The following DTL variants were observed in gnomAD, a reference collection of about 807,000 sequenced individuals.
The protein encoded by DTL is denticleless E3 ubiquitin protein ligase adapter, also known as denticleless protein homolog.
DTL carries 46 observed loss-of-function variants against 87.0 expected under a neutral mutation model. That is an observed-to-expected ratio of 0.53 (90% CI 0.42 to 0.68). The LOEUF (loss-of-function observed/expected upper bound fraction) is 0.68. Ranked by LOEUF, DTL falls within the 30% of genes least tolerant of loss-of-function variation. The probability of loss-of-function intolerance (pLI) is 0.00; values close to 1 mark genes in which losing one functional copy is unlikely to be tolerated. For synonymous variants in DTL, 308 were observed against 311.2 expected (o/e 0.99, Z 0.11); for missense variants, 737 against 869.4 (o/e 0.85, Z 1.91).
At chr1:212,094,365 C>T (rs1191516899) in intron 13 of DTL, among the ~76,000 whole-genome samples, 1 of 152,168 alleles carries the variant, frequency 6.6e-6, no homozygotes, top group Non-Finnish European at 1.5e-5. Context: ...GGTGTCCTTT[C>T]CCCACCTCAT....
intron 5 of DTL, among the ~76,000 whole-genome samples, chr1:212,061,293 G>A (rs775347201): frequency 2.6e-5 from 4 of 151,528 alleles, no homozygotes; most frequent in South Asian, 2.1e-4. Context: ...GACATTTCGC[G>A]AAAGAAGACA....
chr1:212,060,949 T>C (rs1294169806), intron 5 of DTL, among the ~76,000 whole-genome samples: 1 of 131,788 alleles, frequency 7.6e-6, no homozygotes, highest in Non-Finnish European at 1.7e-5. Context: ...GCCAAAACTT[T>C]TTGAATGGGA....
intron 1 of DTL, 53 bp downstream of exon 1, chr1:212,035,995 A>G: frequency 6.3e-7 from 1 of 1,575,378 alleles, no homozygotes; most frequent in Non-Finnish European, 8.7e-7. Flanking sequence ...ATTTCCCCCG[A>G]AACACACGCC....
At chr1:212,070,467 T>C (rs1180636478) in intron 10 of DTL, among the ~76,000 whole-genome samples, 1 of 152,000 alleles carries the variant, frequency 6.6e-6, no homozygotes, top group African/African-American at 2.4e-5. Flanking sequence ...AAAAATTAGC[T>C]GGATGTGGTG....
intron 5 of DTL, among the ~76,000 whole-genome samples, chr1:212,048,307 G>GCGTCC (rs1449073640): frequency 1.3e-5 from 2 of 151,956 alleles, no homozygotes; most frequent in African/African-American, 4.8e-5. Flanking sequence ...CTCTCCCTCA[G>GCGTCC]CGTCCCAAGT....
At chr1:212,052,138 G>T (rs1668003714) in intron 5 of DTL, 1 of 654,798 alleles carries the variant, frequency 1.5e-6, no homozygotes, top group Non-Finnish European at 2.7e-6. Flanking sequence ...TGAGAACTCT[G>T]TGGTTGTTAA....
intron 10 of DTL, among the ~76,000 whole-genome samples, chr1:212,070,512 A>T (rs1654638409): frequency 6.6e-6 from 1 of 151,788 alleles, no homozygotes; most frequent in Non-Finnish European, 1.5e-5. Context: ...TGGAAGGCTG[A>T]GGTAGGAGGA....
At chr1:212,088,951 T>C (rs1243859213) in intron 13 of DTL, among the ~76,000 whole-genome samples, 2 of 152,142 alleles carry the variant, frequency 1.3e-5, no homozygotes, top group African/African-American at 4.8e-5. Flanking sequence ...CTAGGCATGG[T>C]GGCACACGCC....
rs751780440 is a variant in DTL, at chr1:212,043,032, G to A, written c.92G>A (p.Gly31Asp). The change falls in exon 2 of 15, where the codon GGT (glycine) becomes GAT (aspartate). Residue 31 changes from glycine (G) to aspartate (D), a missense_variant. Gly to Asp is a moderately conservative substitution (Grantham distance 94). Transcript: ENST00000366991. ...TACCCTCTTCAATCCCTTCTGACTG[G>A]TTATCAGTGCAGTGGTAATGATGAA... The part of the protein sequence containing the change: ...SQYPLQSLLT[G>D]YQCSGNDEHT... The A allele has an allele frequency of 6.2e-7, 1 of 1,612,788 alleles. No individual in the cohort carries two copies. The highest frequency in any genetic ancestry group is 2.2e-5 in the East Asian group (1 of 44,734).
intron 5 of DTL, among the ~76,000 whole-genome samples, chr1:212,059,962 T>C (rs904886393): frequency 5.9e-5 from 9 of 151,920 alleles, no homozygotes; most frequent in Non-Finnish European, 1.3e-4. Context: ...TAGGAATAAA[T>C]TTAGCCAAAG....
chr1:212,052,107 C>T, intron 5 of DTL: 2 of 709,998 alleles, frequency 2.8e-6, no homozygotes, highest in Non-Finnish European at 5.0e-6. Flanking sequence ...AAAGTTGTTC[C>T]ACTATCATCT....
intron 9 of DTL, 45 bp downstream of exon 9, chr1:212,068,372 T>TAAAAA: frequency 4.2e-6 from 4 of 952,310 alleles, no homozygotes; most frequent in Non-Finnish European, 3.1e-6. Context: ...AGTTTTTGTT[T>TAAAAA]AAAAAAAAAA....
At chr1:212,049,460 CAT>C (rs1460890835) in intron 5 of DTL, among the ~76,000 whole-genome samples, 2 of 152,134 alleles carry the variant, frequency 1.3e-5, no homozygotes, top group African/African-American at 2.4e-5. Flanking sequence ...TAGTGGAAAA[CAT>C]ATCTTTTGGT....
chr1:212,042,647 T>C (rs1213448523), intron 1 of DTL, among the ~76,000 whole-genome samples: 1 of 152,226 alleles, frequency 6.6e-6, no homozygotes. Flanking sequence ...ATAGCAGTTT[T>C]AATGGAATGC....
At position 212,038,436 on chromosome 1, in the gene DTL, T is replaced by G. The variant is rs76666198; in HGVS notation, c.52+2494T>G. Among the ~76,000 whole-genome samples, 822 of 152,302 alleles carry G rather than the reference T, an allele frequency of 5.4e-3. 4 individuals are homozygous for G. The highest frequency in any genetic ancestry group is 0.019 in the African/African-American group (779 of 41,560). ...CCCCCAAACCTGCAATATTACCAAT[T>G]TTAGAGAGTGGCCTCATTATTTAAA... On this transcript the variant is annotated intron_variant, in intron 1 of 14. Coordinates refer to ENST00000366991, the MANE Select transcript of DTL (RefSeq NM_016448.4).
intron 5 of DTL, chr1:212,052,140 G>T: frequency 1.5e-6 from 1 of 652,934 alleles, no homozygotes; most frequent in Non-Finnish European, 2.7e-6. Context: ...AGAACTCTGT[G>T]GTTGTTAAAA....
At chr1:212,077,578 A>C (rs979566659) in intron 11 of DTL, 2 of 153,164 alleles carry the variant, frequency 1.3e-5, no homozygotes, top group Non-Finnish European at 1.5e-5. Flanking sequence ...ACTCAAAATG[A>C]AGGAGTATAA....
chr1:212,102,435 T>TA (rs2102591377), intron 14 of DTL, among the ~76,000 whole-genome samples: 1 of 152,338 alleles, frequency 6.6e-6, no homozygotes, highest in South Asian at 2.1e-4. Flanking sequence ...TAACATTTCT[T>TA]AAAAATTTTT....
chr1:212,081,162 G>T (rs989800454), intron 13 of DTL, among the ~76,000 whole-genome samples: 1 of 152,230 alleles, frequency 6.6e-6, no homozygotes, highest in Admixed American at 6.5e-5. Context: ...AGGAAAGGGA[G>T]AAGGGCAAGG....
Sources: allele counts gnomAD v4.1 joint callset (sites outside exome capture counted in the v4.1 genomes callset), GRCh38; gene constraint gnomAD v4.1.1; transcripts MANE v1.5; gene names NCBI Gene and HGNC (gene_info 2026-07-23, HGNC 2026-07-21).